The following CSTPP1 variants were observed in gnomAD, a reference collection of about 807,000 sequenced individuals.
CSTPP1 encodes the protein UPF0705 protein C11orf49.
chr11:47,120,071 A>G, the CSTPP1 span, among the ~76,000 whole-genome samples: 1 of 152,202 alleles, frequency 6.6e-6, no homozygotes, highest in South Asian at 2.1e-4. The surrounding 1 kb of genome is among the most constrained non-coding windows in gnomAD (Gnocchi z 4.2). Context: ...GGACAATCCT[A>G]AGAGTCACCT....
At chr11:47,016,668 C>T in the CSTPP1 span, among the ~76,000 whole-genome samples, 1 of 151,994 alleles carries the variant, frequency 6.6e-6, no homozygotes, top group African/African-American at 2.4e-5. Flanking sequence ...CAAAGTATAT[C>T]AGTTGTGGAC....
chr11:47,137,998 A>C, the CSTPP1 span: 1 of 538,648 alleles, frequency 1.9e-6, no homozygotes, highest in Non-Finnish European at 3.3e-6. Flanking sequence ...AAAAGCCCAG[A>C]CCCCTCCAAT....
the CSTPP1 span, among the ~76,000 whole-genome samples, chr11:47,142,628 C>T: frequency 6.6e-6 from 1 of 152,090 alleles, no homozygotes; most frequent in East Asian, 1.9e-4. Context: ...TTCCCTTTCC[C>T]ATGATGTGAG....
chr11:46,941,175 C>T, the CSTPP1 span, among the ~76,000 whole-genome samples: 4 of 152,182 alleles, frequency 2.6e-5, no homozygotes, highest in Non-Finnish European at 5.9e-5. Context: ...ACTAACTAGA[C>T]ATTCATACTG....
the CSTPP1 span, among the ~76,000 whole-genome samples, chr11:47,101,197 T>TTTTTTTTTTG: frequency 7.3e-6 from 1 of 136,820 alleles, no homozygotes; most frequent in Non-Finnish European, 1.6e-5. Flanking sequence ...TTTATTTTAT[T>TTTTTTTTTTG]TTTAGTAGAG....
At chr11:46,968,212 A>G in the CSTPP1 span, among the ~76,000 whole-genome samples, 1 of 151,816 alleles carries the variant, frequency 6.6e-6, no homozygotes, top group South Asian at 2.1e-4. Flanking sequence ...GGTTTAGTCT[A>G]CTGGGGCCTA....
At chr11:46,989,606 C>T in the CSTPP1 span, among the ~76,000 whole-genome samples, 1 of 152,098 alleles carries the variant, frequency 6.6e-6, no homozygotes, top group Non-Finnish European at 1.5e-5. Context: ...CAACTGATTA[C>T]CACTTTTTGA....
the CSTPP1 span, among the ~76,000 whole-genome samples, chr11:46,949,794 C>T: frequency 6.6e-6 from 1 of 151,888 alleles, no homozygotes; most frequent in African/African-American, 2.4e-5. Context: ...GCCTCAGCCT[C>T]CCGAGTAGCT....
At chr11:47,037,896 G>A in the CSTPP1 span, among the ~76,000 whole-genome samples, 1 of 127,744 alleles carries the variant, frequency 7.8e-6, no homozygotes, top group East Asian at 2.1e-4. Context: ...TCAATGAGCT[G>A]TTGGGTACAC....
At chr11:47,041,006 G>C in the CSTPP1 span, 1 of 145,988 alleles carries the variant, frequency 6.8e-6, no homozygotes, top group South Asian at 1.3e-4. Flanking sequence ...GGCAGCAGCT[G>C]GGGCTGGCAG....
At chr11:47,045,028 A>G in the CSTPP1 span, among the ~76,000 whole-genome samples, 1 of 152,244 alleles carries the variant, frequency 6.6e-6, no homozygotes, top group Non-Finnish European at 1.5e-5. Context: ...TAGAATCTGC[A>G]TTAATGATAA....
At chr11:47,126,638 A>C in the CSTPP1 span, among the ~76,000 whole-genome samples, 2 of 151,702 alleles carry the variant, frequency 1.3e-5, no homozygotes, top group Admixed American at 6.6e-5. Flanking sequence ...ATCTCTAAAA[A>C]AATTAAAATA....
At chr11:47,126,664 G>T in the CSTPP1 span, among the ~76,000 whole-genome samples, 7 of 149,432 alleles carry the variant, frequency 4.7e-5, no homozygotes, top group Non-Finnish European at 8.9e-5. Context: ...CAGCACGGTG[G>T]CTTATGCCTG....
the CSTPP1 span, among the ~76,000 whole-genome samples, chr11:47,066,111 T>G: frequency 6.9e-6 from 1 of 144,780 alleles, no homozygotes; most frequent in East Asian, 2.1e-4. Flanking sequence ...TTTTTTTTTT[T>G]TTTTTTGTTT....
chr11:47,160,511 TGA>T, the CSTPP1 span: 1 of 152,480 alleles, frequency 6.6e-6, no homozygotes, highest in Admixed American at 6.5e-5. Flanking sequence ...ACCCCACAAA[TGA>T]GAGGGTTCTA....
the CSTPP1 span, among the ~76,000 whole-genome samples, chr11:47,040,651 G>A: frequency 4.0e-5 from 5 of 126,534 alleles, 1 homozygote; most frequent in Non-Finnish European, 5.6e-5. Context: ...CCTCGACCCC[G>A]GCAATCTCCA....
At chr11:47,108,792 G>A in the CSTPP1 span, among the ~76,000 whole-genome samples, 118 of 144,570 alleles carry the variant, frequency 8.2e-4, no homozygotes, top group South Asian at 3.0e-3. Flanking sequence ...CTGCAACCTC[G>A]GCCTCTTGGG....
chr11:47,151,818 C>G, the CSTPP1 span, among the ~76,000 whole-genome samples: 1 of 151,810 alleles, frequency 6.6e-6, no homozygotes, highest in East Asian at 1.9e-4. Context: ...TGTCTGCACC[C>G]GCTTCACTCG....
chr11:47,049,082 C>T, the CSTPP1 span, among the ~76,000 whole-genome samples: 516 of 152,102 alleles, frequency 3.4e-3, 1 homozygote, highest in Non-Finnish European at 5.9e-3. Flanking sequence ...ACCTCCTAGG[C>T]TCCAGCAGTC....
Sources: gnomAD v4.1 joint callset for allele counts (sites outside exome capture counted in the v4.1 genomes callset) on GRCh38, gnomAD v4.1.1 for gene constraint, Gnocchi (gnomAD v3.1) non-coding constraint, MANE v1.5 for transcripts, NCBI Gene and HGNC (gene_info 2026-07-23, HGNC 2026-07-21) for gene names.